The following AMMECR1 variants were observed in gnomAD, a reference collection of about 807,000 sequenced individuals.
The protein encoded by AMMECR1 is AMMECR nuclear protein 1.
AMMECR1 carries 3 observed loss-of-function variants against 22.5 expected under a neutral mutation model. The observed-to-expected ratio is 0.13, with a 90% CI of 0.06 to 0.35. AMMECR1 has a LOEUF of 0.35. AMMECR1 is among the 10% of genes least tolerant of loss of function. The pLI is 1.00. For missense variants in AMMECR1, 235 were observed against 278.7 expected, an observed-to-expected ratio of 0.84 and a Z score of 1.12; for synonymous variants, 130 against 116.7, an observed-to-expected ratio of 1.11 and a Z score of -0.74.
intron 2 of AMMECR1, among the ~76,000 whole-genome samples, chrX:110,222,401 T>G (rs774727996): frequency 1.2e-5 from 1 of 83,742 alleles, no homozygotes; most frequent in African/African-American, 4.5e-5. Context: ...AACAATGAGA[T>G]CACATGGACA....
intron 2 of AMMECR1, among the ~76,000 whole-genome samples, chrX:110,329,470 A>G (rs1367921064): frequency 4.5e-5 from 5 of 111,986 alleles, no homozygotes; most frequent in African/African-American, 1.3e-4. Context: ...ATGAAATACA[A>G]TGTACAGTAA....
At chrX:110,326,424 A>T (rs1602899812) in intron 2 of AMMECR1, among the ~76,000 whole-genome samples, 2 of 111,159 alleles carry the variant, frequency 1.8e-5, no homozygotes, top group Middle Eastern at 9.3e-3. Flanking sequence ...AATTTCCCAA[A>T]TTTCCTTCTG....
At chrX:110,224,282 T>G (rs185172773) in intron 2 of AMMECR1, among the ~76,000 whole-genome samples, 75 of 111,466 alleles carry the variant, frequency 6.7e-4, no homozygotes, top group Middle Eastern at 4.6e-3. Flanking sequence ...TTCTTTCATT[T>G]TCAAAATAAG....
chrX:110,241,063 T>C lies in AMMECR1; in HGVS notation c.584+23426A>G, dbSNP rs763029888. On this transcript the variant is annotated intron_variant, in intron 2 of 5. Transcript: ENST00000262844. ...CAAAGACACAATGTACCAGAATCTT[T>C]GGGACACAGCTAAAGCAGTGTTTAG... 4.5e-5 allele frequency among the ~76,000 whole-genome samples: 5 copies of C among 111,939 alleles called. No homozygotes were observed. In the East Asian group the frequency reaches 1.4e-3, roughly 31 times the overall value.
intron 1 of AMMECR1, among the ~76,000 whole-genome samples, chrX:110,269,535 G>C (rs998901936): frequency 4.7e-5 from 5 of 106,981 alleles, no homozygotes; most frequent in African/African-American, 1.0e-4. Context: ...ATTGGGGGGG[G>C]GGATACAGGA....
intron 2 of AMMECR1, among the ~76,000 whole-genome samples, chrX:110,363,005 G>A (rs901844368): frequency 2.6e-4 from 29 of 112,133 alleles, no homozygotes; most frequent in African/African-American, 9.4e-4. Context: ...AAGGAAGCTA[G>A]CATTTCAACT....
intron 2 of AMMECR1, among the ~76,000 whole-genome samples, chrX:110,368,710 T>A (rs1164795139): frequency 8.9e-6 from 1 of 112,317 alleles, no homozygotes; most frequent in African/African-American, 3.2e-5. Flanking sequence ...TCTTCACCAC[T>A]AGAATATAAG....
intron 2 of AMMECR1, among the ~76,000 whole-genome samples, chrX:110,336,292 G>A (rs756752773): frequency 9.0e-6 from 1 of 111,508 alleles, no homozygotes; most frequent in South Asian, 3.8e-4. Flanking sequence ...ATCCAGATCC[G>A]TGCTATTCCG....
At chrX:110,352,251 C>T (rs777588494) in intron 2 of AMMECR1, among the ~76,000 whole-genome samples, 1 of 111,881 alleles carries the variant, frequency 8.9e-6, no homozygotes, top group African/African-American at 3.2e-5. Context: ...TACATGTTCA[C>T]ACAAAAACTT....
chrX:110,230,364 C>T (rs747091798), intron 2 of AMMECR1, among the ~76,000 whole-genome samples: 13 of 112,200 alleles, frequency 1.2e-4, no homozygotes, highest in African/African-American at 2.9e-4. Context: ...CTGTAGCCTC[C>T]GCTGGTGATA....
chrX:110,393,365 T>C (rs2068507719), intron 2 of AMMECR1, among the ~76,000 whole-genome samples: 1 of 112,292 alleles, frequency 8.9e-6, no homozygotes, highest in Non-Finnish European at 1.9e-5. Flanking sequence ...GAGCAATTAC[T>C]ATGTACCAGG....
chrX:110,410,128 C>T (rs759008258), intron 2 of AMMECR1, among the ~76,000 whole-genome samples: 15 of 111,475 alleles, frequency 1.3e-4, no homozygotes, highest in African/African-American at 2.0e-4. Flanking sequence ...GCTGAGTCAC[C>T]GACAGGGATG....
At position 110,352,978 on chromosome X, in the gene AMMECR1, T is replaced by C. The variant is rs779000116; in HGVS notation, c.-147-35129A>G. ...TAATAACAAAAACTTATAGCATTCA[T>C]TATTCACTTAGCACAATGCCAGACA... On this transcript the variant is annotated intron_variant, in intron 2 of 7. Coordinates refer to the AMMECR1 transcript ENST00000372057. Among the ~76,000 whole-genome samples, 108 of 112,622 alleles carry C rather than the reference T, an allele frequency of 9.6e-4. 4 individuals are homozygous for C. Among genetic ancestry groups the C allele is most frequent in the Non-Finnish European group, 7.5e-4 (40 of 53,286 alleles).
At chrX:110,278,232 AAAT>A (rs2067836009) in intron 1 of AMMECR1, among the ~76,000 whole-genome samples, 1 of 112,233 alleles carries the variant, frequency 8.9e-6, no homozygotes, top group Non-Finnish European at 1.9e-5. Flanking sequence ...CAAATAGAAA[AAAT>A]AATGTGATGT....
chrX:110,281,228 A>G (rs1256637460), intron 1 of AMMECR1, among the ~76,000 whole-genome samples: 1 of 112,170 alleles, frequency 8.9e-6, no homozygotes, highest in African/African-American at 3.2e-5. Context: ...AAACTCAAGT[A>G]TATTTGCCTC....
At chrX:110,416,023 T>C (rs1388627928) in intron 2 of AMMECR1, among the ~76,000 whole-genome samples, 1 of 96,958 alleles carries the variant, frequency 1.0e-5, no homozygotes. Context: ...AAAAAAAAAA[T>C]GGGAAGCAGA....
chrX:110,276,398 T>C (rs1320596822), intron 1 of AMMECR1, among the ~76,000 whole-genome samples: 1 of 111,993 alleles, frequency 8.9e-6, no homozygotes, highest in Non-Finnish European at 1.9e-5. Flanking sequence ...GGTCACATTG[T>C]ATTCCCTCTT....
intron 1 of AMMECR1, chrX:110,309,290 A>C (rs757307996): frequency 2.7e-5 from 3 of 112,366 alleles, no homozygotes; most frequent in Non-Finnish European, 5.6e-5. Context: ...AAAGCAGAGA[A>C]TCTGTTACCA....
chrX:110,432,696 T>C (rs891557335), intron 1 of AMMECR1, among the ~76,000 whole-genome samples: 1 of 112,074 alleles, frequency 8.9e-6, no homozygotes, highest in Non-Finnish European at 1.9e-5. Flanking sequence ...TCACTAATGC[T>C]ATTAAGCAGG....
Sources: allele counts gnomAD v4.1 joint callset (sites outside exome capture counted in the v4.1 genomes callset), GRCh38; gene constraint gnomAD v4.1.1; transcripts MANE v1.5; gene names NCBI Gene and HGNC (gene_info 2026-07-23, HGNC 2026-07-21).